EPHB2: variants seen among roughly 807,000 people sequenced by gnomAD.
The protein encoded by EPHB2 is EPH receptor B2.
A neutral mutation model predicts 96.4 loss-of-function variants in EPHB2; 18 were observed. That is an observed-to-expected ratio of 0.19 (90% CI 0.13 to 0.28). EPHB2 has a LOEUF of 0.28. Ranked by LOEUF, EPHB2 falls within the 10% of genes least tolerant of loss-of-function variation. The pLI is 1.00. For synonymous variants in EPHB2, 506 were observed against 534.1 expected (o/e 0.95, Z 0.72); for missense variants, 989 against 1,355.4 (o/e 0.73, Z 4.25).
chr1:22,748,287 G>T (rs1644006298), intron 1 of EPHB2, among the ~76,000 whole-genome samples: 1 of 151,968 alleles, frequency 6.6e-6, no homozygotes, highest in African/African-American at 2.4e-5. Context: ...GTCTCACTTT[G>T]GCTGCTGGGA....
At chr1:22,758,838 T>C (rs532542769) in intron 1 of EPHB2, among the ~76,000 whole-genome samples, 113 of 145,236 alleles carry the variant, frequency 7.8e-4, no homozygotes, top group Non-Finnish European at 7.3e-4. Context: ...CTGGTACCTA[T>C]TGGGGGCCCA....
chr1:22,919,781 A>G lies in EPHB2; in HGVS notation c.*6211A>G, dbSNP rs1640352631. The G allele has an allele frequency of 1.3e-5, 2 of 152,258 alleles. No individual in the cohort carries two copies. Among genetic ancestry groups the G allele is most frequent in the Non-Finnish European group, 2.9e-5 (2 of 68,048 alleles). The allele number at this position is 152,258 out of a possible 1,614,324, so 9.4% of individuals were successfully genotyped here. A position where few individuals can be genotyped will look rare whatever the true frequency, so the allele number is the denominator to read the frequency against. ...CCTGCTGAGACTGCAAGAGTCATGA[A>G]TTCTAACGTTCCACAGGTGAAAGAT... On this transcript the variant is annotated 3_prime_UTR_variant, in exon 16 of 16. Transcript: ENST00000374630.
chr1:22,719,826 C>CA (rs1286258673), intron 1 of EPHB2, among the ~76,000 whole-genome samples: 2 of 152,168 alleles, frequency 1.3e-5, no homozygotes, highest in Non-Finnish European at 2.9e-5. Flanking sequence ...TACAGGACTC[C>CA]ACTCCTGAAA....
intron 1 of EPHB2, among the ~76,000 whole-genome samples, chr1:22,713,470 C>T (rs962278892): frequency 8.5e-5 from 13 of 152,178 alleles, no homozygotes; most frequent in Non-Finnish European, 1.6e-4. Context: ...GTGATGACAG[C>T]GCCTGTCCTG....
intron 1 of EPHB2, chr1:22,719,553 A>G (rs962617929): frequency 6.5e-6 from 1 of 153,054 alleles, no homozygotes; most frequent in East Asian, 1.9e-4. Flanking sequence ...TGCAACATAC[A>G]TTTGTCTTGG....
In EPHB2 at chr1:22,846,412, A is replaced by C; in HGVS notation, c.812-16625A>C. Among the ~76,000 whole-genome samples, 1 of 133,662 alleles carries C rather than the reference A, an allele frequency of 7.5e-6. No individual in the cohort carries two copies. The allele number at this position is 133,662 out of a possible 152,430, so 87.7% of individuals were successfully genotyped here. On this transcript the variant is annotated intron_variant, in intron 3 of 15. Transcript: ENST00000374630. This position sits in a 1 kb window ranked among gnomAD's most constrained non-coding sequence, Gnocchi z 4.3. Reference sequence around the variant, plus strand: ...GCCTGGGCCACAGAGTGAGAGTGAGACTCTGTCTCAAAAAAAAAAAAAAAG... The same window carrying C: ...GCCTGGGCCACAGAGTGAGAGTGAGCCTCTGTCTCAAAAAAAAAAAAAAAG...
intron 3 of EPHB2, among the ~76,000 whole-genome samples, chr1:22,798,946 A>G (rs1029869762): frequency 2.3e-4 from 35 of 152,104 alleles, no homozygotes; most frequent in African/African-American, 8.4e-4. Flanking sequence ...CAGTATCTAC[A>G]TGTCTAAGGT....
intron 1 of EPHB2, among the ~76,000 whole-genome samples, chr1:22,734,228 G>C (rs532713801): frequency 5.0e-4 from 76 of 152,078 alleles, no homozygotes; most frequent in Non-Finnish European, 8.5e-4. Flanking sequence ...GCAGGAGCAG[G>C]ATAAATCTTA....
intron 3 of EPHB2, among the ~76,000 whole-genome samples, chr1:22,799,120 T>C (rs1227792099): frequency 6.6e-6 from 1 of 152,120 alleles, no homozygotes; most frequent in Non-Finnish European, 1.5e-5. Context: ...GGTACAAATT[T>C]GAGTTCTGGG....
At chr1:22,789,899 G>A (rs911867629) in intron 3 of EPHB2, among the ~76,000 whole-genome samples, 1 of 152,274 alleles carries the variant, frequency 6.6e-6, no homozygotes, top group Middle Eastern at 3.4e-3. Flanking sequence ...AAGCATTCCA[G>A]GCAGAGGGTC....
At chr1:22,752,023 C>T (rs1644070859) in intron 1 of EPHB2, among the ~76,000 whole-genome samples, 1 of 152,336 alleles carries the variant, frequency 6.6e-6, no homozygotes, top group Non-Finnish European at 1.5e-5. Context: ...TCACTAGTTC[C>T]GTGTGGCCTT....
intron 3 of EPHB2, among the ~76,000 whole-genome samples, chr1:22,802,979 C>T (rs897987655): frequency 2.6e-5 from 4 of 152,046 alleles, no homozygotes; most frequent in Non-Finnish European, 1.5e-5. Context: ...ACTATGGGGA[C>T]CCACTGGGGA....
At position 22,910,421 on chromosome 1, in the gene EPHB2, C is replaced by G; in HGVS notation, c.2542C>G (p.Pro848Ala). Residue 848 changes from proline to alanine, a missense_variant, in exon 14 of 16, where the codon CCC becomes GCC. Pro to Ala is a conservative substitution (Grantham distance 27). Coordinates refer to ENST00000374630, the MANE Select transcript of EPHB2 (RefSeq NM_017449.5). ...TGAGCAGGACTATCGGCTGCCACCG[C>G]CCATGGACTGCCCGAGCGCCCTGCA... The part of the protein sequence containing the change: ...AIEQDYRLPP[P>A]MDCPSALHQL... 1 of 1,614,234 alleles carries G rather than the reference C, an allele frequency of 6.2e-7. No homozygotes were observed. Among genetic ancestry groups the G allele is most frequent in the Non-Finnish European group, 8.5e-7 (1 of 1,180,028 alleles).
intron 1 of EPHB2, among the ~76,000 whole-genome samples, chr1:22,717,331 A>G (rs1302358015): frequency 2.0e-5 from 3 of 152,166 alleles, no homozygotes; most frequent in Admixed American, 2.0e-4. Context: ...CTGCCTTGAA[A>G]GCATTTTAGG....
At chr1:22,794,701 T>A (rs905064627) in intron 3 of EPHB2, among the ~76,000 whole-genome samples, 1 of 152,128 alleles carries the variant, frequency 6.6e-6, no homozygotes, top group Non-Finnish European at 1.5e-5. Context: ...AAGTCCAAGA[T>A]GACCCAGCTA....
chr1:22,897,724 T>C (rs1639612517), intron 9 of EPHB2, among the ~76,000 whole-genome samples: 1 of 151,872 alleles, frequency 6.6e-6, no homozygotes, highest in Non-Finnish European at 1.5e-5. Flanking sequence ...GAAGCAGAGG[T>C]TGCAGTGAGC....
chr1:22,794,465 C>T (rs1644739878), intron 3 of EPHB2, among the ~76,000 whole-genome samples: 1 of 152,098 alleles, frequency 6.6e-6, no homozygotes, highest in Non-Finnish European at 1.5e-5. Context: ...AAATGCTCAC[C>T]CGGATGGGCC....
At chr1:22,711,343 G>A (rs1643135109) in intron 1 of EPHB2, among the ~76,000 whole-genome samples, 1 of 148,152 alleles carries the variant, frequency 6.7e-6, no homozygotes. Context: ...CGCGCTCGCC[G>A]CCCCCGGCTC....
intron 1 of EPHB2, among the ~76,000 whole-genome samples, chr1:22,730,066 G>A (rs906327081): frequency 6.6e-6 from 1 of 152,226 alleles, no homozygotes; most frequent in Non-Finnish European, 1.5e-5. Context: ...ACAGGGCCAG[G>A]CCCCAGGGTG....
Sources: allele counts gnomAD v4.1 joint callset (sites outside exome capture counted in the v4.1 genomes callset), GRCh38; gene constraint gnomAD v4.1.1; non-coding constraint Gnocchi (gnomAD v3.1); transcripts MANE v1.5; gene names NCBI Gene and HGNC (gene_info 2026-07-23, HGNC 2026-07-21).